The following PDLIM5 variants were observed in gnomAD, a reference collection of about 807,000 sequenced individuals.
PDLIM5 encodes the protein PDZ and LIM domain 5, also known as PDZ and LIM domain protein 5.
Under a neutral mutation model 64.2 loss-of-function variants are expected in PDLIM5, and 34 were observed. The ratio of observed to expected loss-of-function variants is 0.53; its 90% CI spans 0.40 to 0.71. The LOEUF is 0.71. PDLIM5 is among the 30% of genes least tolerant of loss of function. The probability of loss-of-function intolerance (pLI) is 0.00; values close to 1 mark genes in which losing one functional copy is unlikely to be tolerated. For missense variants in PDLIM5, 683 were observed against 733.6 expected (o/e 0.93, Z 0.80); for synonymous variants, 253 against 269.1 (o/e 0.94, Z 0.59).
intron 5 of PDLIM5, chr4:94,585,151 T>C (rs1248558582): frequency 1.8e-5 from 10 of 545,520 alleles, no homozygotes; most frequent in East Asian, 1.7e-4. Flanking sequence ...AGTGCAGTGG[T>C]GCGATCTTGG....
At chr4:94,605,046 A>G (rs1356420415) in intron 7 of PDLIM5, among the ~76,000 whole-genome samples, 1 of 152,164 alleles carries the variant, frequency 6.6e-6, no homozygotes, top group Non-Finnish European at 1.5e-5. Flanking sequence ...GTGGAACAGG[A>G]AAATAGAAAG....
At chr4:94,530,673 C>G (rs1730793292) in intron 3 of PDLIM5, among the ~76,000 whole-genome samples, 1 of 151,826 alleles carries the variant, frequency 6.6e-6, no homozygotes, top group Non-Finnish European at 1.5e-5. Context: ...AGTGAAAGAC[C>G]TAGAAGAATT....
intron 2 of PDLIM5, among the ~76,000 whole-genome samples, chr4:94,503,683 C>T (rs115840185): frequency 0.012 from 1,763 of 152,332 alleles, 32 homozygotes; most frequent in African/African-American, 0.041. Flanking sequence ...ACCCAAACAT[C>T]TGATTTATTT....
At chr4:94,634,513 C>G (rs541690109) in intron 8 of PDLIM5, among the ~76,000 whole-genome samples, 2,813 of 152,210 alleles carry the variant, frequency 0.018, 98 homozygotes, top group African/African-American at 0.065. Context: ...TCCCAGCTGA[C>G]TTAAGTTTCC....
intron 3 of PDLIM5, among the ~76,000 whole-genome samples, chr4:94,560,700 A>G (rs1733759234): frequency 6.6e-6 from 1 of 152,082 alleles, no homozygotes; most frequent in Admixed American, 6.6e-5. Context: ...ATACTTATCA[A>G]ATTAACCAGG....
chr4:94,494,681 C>A (rs1325103448), intron 2 of PDLIM5, among the ~76,000 whole-genome samples: 1 of 151,326 alleles, frequency 6.6e-6, no homozygotes, highest in Non-Finnish European at 1.5e-5. Flanking sequence ...CTCAAGTGAT[C>A]CACCTGCTTC....
chr4:94,560,299 T>C (rs1323985756), intron 3 of PDLIM5, among the ~76,000 whole-genome samples: 1 of 152,210 alleles, frequency 6.6e-6, no homozygotes, highest in Non-Finnish European at 1.5e-5. Context: ...TGTTGCTAAT[T>C]GAGAAGACTG....
intron 12 of PDLIM5, 81 bp downstream of exon 12, chr4:94,662,618 C>G: frequency 3.3e-6 from 2 of 614,084 alleles, no homozygotes; most frequent in Non-Finnish European, 6.0e-6. Context: ...ATATCAGCTT[C>G]TGGGTCTTTC....
At chr4:94,611,260 A>G in intron 7 of PDLIM5, 2 of 1,366,290 alleles carry the variant, frequency 1.5e-6, no homozygotes, top group Admixed American at 2.0e-5. Context: ...GCTTTCTCTA[A>G]CACTCCACCA....
At chr4:94,584,710 T>C (rs1736017455) in intron 5 of PDLIM5, 2 of 406,042 alleles carry the variant, frequency 4.9e-6, no homozygotes, top group Non-Finnish European at 8.8e-6. Context: ...TACTAAACCA[T>C]ACTTGGTTCC....
chr4:94,461,524 G>GT lies in PDLIM5; in HGVS notation c.96+6150dup, dbSNP rs10659138. Among the ~76,000 whole-genome samples the GT allele has an allele frequency of 6.8e-4, 102 of 149,924 alleles. 1 individual carries two copies. The highest frequency in any genetic ancestry group is 4.3e-3 in the East Asian group (22 of 5,108). ...TAGCGTACTTTGTTTTTATTAAGAG[G>GT]TTTTTTTTTTAAAGGTAATAAACTA... On this transcript the variant is annotated intron_variant, in intron 2 of 12. Transcript: ENST00000317968.
intron 2 of PDLIM5, among the ~76,000 whole-genome samples, chr4:94,476,056 G>T (rs1243361390): frequency 6.6e-6 from 1 of 152,108 alleles, no homozygotes; most frequent in Non-Finnish European, 1.5e-5. Context: ...TCTTGAAGTT[G>T]TATCGTTTCT....
chr4:94,635,863 C>T (rs995313355), intron 8 of PDLIM5, among the ~76,000 whole-genome samples: 5 of 152,134 alleles, frequency 3.3e-5, no homozygotes, highest in Non-Finnish European at 5.9e-5. Flanking sequence ...ATAGCTGTGC[C>T]GTGGAAATGT....
chr4:94,606,646 G>C (rs6822264), intron 7 of PDLIM5, among the ~76,000 whole-genome samples: 151,560 of 152,344 alleles, frequency 0.99, 75,389 homozygotes, highest in East Asian at 1. Context: ...CAGACATGAT[G>C]GCATTTGTAT....
At chr4:94,663,895 ACTCT>A in intron 12 of PDLIM5, 79 bp from the exon 13 acceptor site, 1 of 1,410,630 alleles carries the variant, frequency 7.1e-7, no homozygotes, top group South Asian at 1.5e-5. Context: ...GGGAAAAATC[ACTCT>A]CTCCTTCTCC....
intron 3 of PDLIM5, among the ~76,000 whole-genome samples, chr4:94,545,246 T>A (rs1437481752): frequency 6.6e-6 from 1 of 152,246 alleles, no homozygotes; most frequent in African/African-American, 2.4e-5. Flanking sequence ...ATAAAACTCT[T>A]GAAACCATTT....
intron 1 of PDLIM5, among the ~76,000 whole-genome samples, chr4:94,452,374 C>G (rs533764748): frequency 2.7e-3 from 415 of 152,276 alleles, no homozygotes; most frequent in African/African-American, 8.8e-3. Context: ...CGGCGTCGCC[C>G]GGCACCACCG....
At chr4:94,620,055 C>T (rs1441853487) in intron 8 of PDLIM5, among the ~76,000 whole-genome samples, 2 of 152,206 alleles carry the variant, frequency 1.3e-5, no homozygotes, top group Non-Finnish European at 1.5e-5. Flanking sequence ...TTCTCAGCCT[C>T]ATCTCCTGCT....
At chr4:94,455,926 T>C in intron 2 of PDLIM5, 1 of 1,477,336 alleles carries the variant, frequency 6.8e-7, no homozygotes. Context: ...CTATGAATAA[T>C]TGAGATTTGG....
Sources: allele counts gnomAD v4.1 joint callset (sites outside exome capture counted in the v4.1 genomes callset), GRCh38; gene constraint gnomAD v4.1.1; transcripts MANE v1.5; gene names NCBI Gene and HGNC (gene_info 2026-07-23, HGNC 2026-07-21).